The following SOX5 variants were observed in gnomAD, a reference collection of about 807,000 sequenced individuals.
The protein encoded by SOX5 is SRY-box transcription factor 5, also known as transcription factor SOX-5.
In SOX5, 9 loss-of-function variants were observed where a neutral mutation model predicts 92.0. That is an observed-to-expected ratio of 0.10 (90% CI 0.06 to 0.17). The LOEUF (loss-of-function observed/expected upper bound fraction) is 0.17, where lower values mean the gene tolerates loss of function less well. Ranked by LOEUF, SOX5 falls within the 10% of genes least tolerant of loss-of-function variation. The probability of loss-of-function intolerance (pLI) is 1.00; values close to 1 mark genes in which losing one functional copy is unlikely to be tolerated. For missense variants in SOX5, 642 were observed against 944.5 expected (o/e 0.68, Z 4.20); for synonymous variants, 344 against 336.3 (o/e 1.02, Z -0.25).
chr12:23,650,250 G>C (rs1322803936), intron 7 of SOX5, among the ~76,000 whole-genome samples: 1 of 152,114 alleles, frequency 6.6e-6, no homozygotes, highest in Non-Finnish European at 1.5e-5. Flanking sequence ...AGACTCGATA[G>C]TCAAGGAATT....
upstream of SOX5, among the ~76,000 whole-genome samples, chr12:23,951,860 G>T (rs1945693694): frequency 6.6e-6 from 1 of 152,096 alleles, no homozygotes; most frequent in East Asian, 1.9e-4. Context: ...CTTTCTTGTT[G>T]TTAGTCTCAA....
intron 4 of SOX5, among the ~76,000 whole-genome samples, chr12:24,115,332 T>G (rs1044759063): frequency 6.6e-6 from 1 of 152,256 alleles, no homozygotes; most frequent in Non-Finnish European, 1.5e-5. Context: ...GTTATCAACT[T>G]GGAACTCTAT....
At chr12:23,694,179 C>A (rs2089408600) in intron 6 of SOX5, among the ~76,000 whole-genome samples, 1 of 152,122 alleles carries the variant, frequency 6.6e-6, no homozygotes, top group Non-Finnish European at 1.5e-5. Flanking sequence ...TTTTTAAGAT[C>A]ATGTCCTTTG....
intron 3 of SOX5, among the ~76,000 whole-genome samples, chr12:23,843,528 T>G (rs1203533912): frequency 6.6e-6 from 1 of 150,560 alleles, no homozygotes; most frequent in Non-Finnish European, 1.5e-5. Context: ...ATGGCCATAC[T>G]TCAGAATATT....
rs368418694 is a variant in SOX5, at chr12:23,862,396, C to T, written c.271-16203G>A. 3.4e-4 allele frequency among the ~76,000 whole-genome samples: 52 copies of T among 152,186 alleles called. 1 individual carries two copies. Among genetic ancestry groups the T allele is most frequent in the Middle Eastern group, 3.4e-3 (1 of 294 alleles). On this transcript the variant is annotated intron_variant, in intron 2 of 14. Coordinates refer to ENST00000451604, the MANE Select transcript of SOX5 (RefSeq NM_006940.6). ...CAGGTTCAGATTCTCTCCAACTTAC[C>T]GCCAGCACACAAGTGGGCCACCATA...
intron 6 of SOX5, among the ~76,000 whole-genome samples, chr12:23,723,605 C>G (rs890039080): frequency 6.7e-6 from 1 of 149,714 alleles, no homozygotes; most frequent in Non-Finnish European, 1.5e-5. Context: ...CACACGCACT[C>G]ACACACACAC....
In SOX5 at chr12:23,741,914, A is replaced by G. The variant is rs114948329; in HGVS notation, c.569-875T>C. 2.2e-3 allele frequency among the ~76,000 whole-genome samples: 335 copies of G among 152,324 alleles called. 2 individuals are homozygous for G. Among genetic ancestry groups the G allele is most frequent in the African/African-American group, 7.6e-3 (315 of 41,586 alleles). On this transcript the variant is annotated intron_variant, in intron 4 of 14. Transcript: ENST00000451604. ...CTTATTAAGTTAAAATTTATATTTA[A>G]TATAAGAGAAGTATGTGCTGTTCAC...
At chr12:23,785,309 A>G (rs1291840057) in intron 3 of SOX5, among the ~76,000 whole-genome samples, 2 of 152,098 alleles carry the variant, frequency 1.3e-5, no homozygotes, top group African/African-American at 4.8e-5. Flanking sequence ...AAAACCTACT[A>G]CCTTAAATAC....
chr12:23,695,462 A>T (rs895975982), intron 6 of SOX5, among the ~76,000 whole-genome samples: 1 of 152,200 alleles, frequency 6.6e-6, no homozygotes, highest in African/African-American at 2.4e-5. Flanking sequence ...TTATTGAGAA[A>T]AGTTTCTAAT....
At chr12:24,426,229 AAC>A (rs987747704) in intron 1 of SOX5, among the ~76,000 whole-genome samples, 10 of 151,978 alleles carry the variant, frequency 6.6e-5, no homozygotes, top group African/African-American at 2.2e-4. Context: ...AAACAAAAAA[AAC>A]ACTGCATATT....
intron 2 of SOX5, among the ~76,000 whole-genome samples, chr12:24,344,700 G>C (rs1953021295): frequency 6.6e-6 from 1 of 152,192 alleles, no homozygotes; most frequent in Admixed American, 6.5e-5. Flanking sequence ...TCTCTTGTGA[G>C]AGCACGCCAA....
chr12:24,551,482 TATTTTTG>T (rs1336568122), intron 1 of SOX5, among the ~76,000 whole-genome samples: 1 of 152,252 alleles, frequency 6.6e-6, no homozygotes, highest in Non-Finnish European at 1.5e-5. Context: ...CTTTACAAGA[TATTTTTG>T]TATAACGTAA....
chr12:24,362,300 A>G (rs946191031), intron 2 of SOX5, among the ~76,000 whole-genome samples: 1 of 141,836 alleles, frequency 7.1e-6, no homozygotes, highest in African/African-American at 2.7e-5. Context: ...TGTTATTACA[A>G]GTCACACATA....
intron 1 of SOX5, among the ~76,000 whole-genome samples, chr12:24,511,251 T>A (rs1177707610): frequency 6.6e-6 from 1 of 152,210 alleles, no homozygotes; most frequent in Non-Finnish European, 1.5e-5. Context: ...TTATTTTAAA[T>A]TCAACTGTTA....
chr12:24,542,929 C>T (rs113609544), intron 1 of SOX5, among the ~76,000 whole-genome samples: 2 of 152,144 alleles, frequency 1.3e-5, no homozygotes, highest in Admixed American at 6.5e-5. Flanking sequence ...TGTGGCTTAC[C>T]CAAGAAGATA....
intron 6 of SOX5, among the ~76,000 whole-genome samples, chr12:23,718,786 C>T (rs2092652524): frequency 6.6e-6 from 1 of 152,144 alleles, no homozygotes; most frequent in African/African-American, 2.4e-5. Context: ...AAGGAAAAGA[C>T]TGAAAACAAA....
At position 24,403,319 on chromosome 12, in the gene SOX5, C is replaced by T. The variant is rs557181538; in HGVS notation, c.-250-34680G>A. ...TTATTCCCTATTATAAAGACTCATT[C>T]ACTGTGTGTTTCCCCTGATAAATCA... On this transcript the variant is annotated intron_variant, in intron 1 of 4. Coordinates refer to the SOX5 transcript ENST00000446891. Among the ~76,000 whole-genome samples, 3 of 152,286 alleles carry T rather than the reference C, an allele frequency of 2.0e-5. No homozygotes were observed. In the East Asian group the frequency reaches 5.8e-4, roughly 29 times the overall value.
chr12:24,414,017 T>C (rs1373285674), intron 1 of SOX5, among the ~76,000 whole-genome samples: 5 of 152,260 alleles, frequency 3.3e-5, no homozygotes, highest in Admixed American at 1.3e-4. Context: ...CTCTGAGTGA[T>C]AGACTTCCCC....
intron 1 of SOX5, among the ~76,000 whole-genome samples, chr12:23,946,334 C>G (rs528146898): frequency 6.6e-6 from 1 of 151,984 alleles, no homozygotes; most frequent in Non-Finnish European, 1.5e-5. Flanking sequence ...CTTACACTTG[C>G]TATTTAAGTT....
Sources: gnomAD v4.1 joint callset for allele counts (sites outside exome capture counted in the v4.1 genomes callset) on GRCh38, gnomAD v4.1.1 for gene constraint, MANE v1.5 for transcripts, NCBI Gene and HGNC (gene_info 2026-07-23, HGNC 2026-07-21) for gene names.